Variants in CORIN observed in about 807,000 individuals in gnomAD.
CORIN encodes corin, serine peptidase.
Under a neutral mutation model 125.3 loss-of-function variants are expected in CORIN, and 117 were observed. The observed-to-expected ratio is 0.93, with a 90% CI of 0.80 to 1.09. CORIN has a LOEUF of 1.09. CORIN is among the 50% of genes least tolerant of loss of function. The pLI, the probability that CORIN is intolerant of heterozygous loss-of-function variation, is 0.00. For synonymous variants in CORIN, 450 were observed against 466.4 expected (o/e 0.96, Z 0.45); for missense variants, 1,253 against 1,306.7 (o/e 0.96, Z 0.63).
chr4:47,806,993 T>C lies in CORIN; in HGVS notation c.118A>G (p.Thr40Ala), dbSNP rs1731823619. The stretch of plus-strand genomic sequence containing the variant: ...AATAGGAACCGGAGGAGGTTAGCAG[T>C]CGCCAGCTTCTGAGAGCAGCCATTG... ...MGNGCSQKLA[T>A]ANLLRFLLLV... The change falls in exon 2 of 22, where the codon ACT becomes GCT. Residue 40 changes from threonine (T) to alanine (A), a missense_variant. Thr to Ala is a moderately conservative substitution (Grantham distance 58). Coordinates refer to ENST00000273857, the MANE Select transcript of CORIN (RefSeq NM_006587.4). The C allele has an allele frequency of 1.2e-6, 2 of 1,613,910 alleles. No homozygotes were observed. Among genetic ancestry groups the C allele is most frequent in the Non-Finnish European group, 8.5e-7 (1 of 1,179,926 alleles).
chr4:47,789,412 A>C (rs1730966018), intron 2 of CORIN, among the ~76,000 whole-genome samples: 1 of 152,260 alleles, frequency 6.6e-6, no homozygotes, highest in Non-Finnish European at 1.5e-5. Context: ...CTTGGATAAC[A>C]ACTTTCTTTT....
chr4:47,616,062 G>A (rs1307879740), intron 19 of CORIN, among the ~76,000 whole-genome samples: 4 of 152,100 alleles, frequency 2.6e-5, no homozygotes, highest in Admixed American at 6.5e-5. Context: ...GGAGAAGTGA[G>A]AAATCAATAG....
chr4:47,819,709 G>C (rs938910903), intron 1 of CORIN, among the ~76,000 whole-genome samples: 4 of 152,108 alleles, frequency 2.6e-5, no homozygotes, highest in African/African-American at 2.4e-5. Context: ...GAGATCAGAG[G>C]CATCCTGCAT....
intron 19 of CORIN, among the ~76,000 whole-genome samples, chr4:47,608,576 C>T (rs968543401): frequency 1.3e-5 from 2 of 152,202 alleles, no homozygotes; most frequent in African/African-American, 4.8e-5. Context: ...CCTTATTCTT[C>T]TTTGTCCTCA....
At chr4:47,623,852 A>C (rs761565961) in intron 18 of CORIN, 47 bp downstream of exon 18, 1 of 1,602,864 alleles carries the variant, frequency 6.2e-7, no homozygotes, top group Non-Finnish European at 8.5e-7. Context: ...GAGCCAATCC[A>C]GTTCAATTAA....
chr4:47,692,460 G>T (rs974832119), intron 6 of CORIN, among the ~76,000 whole-genome samples: 18 of 152,040 alleles, frequency 1.2e-4, no homozygotes, highest in Admixed American at 3.3e-4. Context: ...ATCAATCAAT[G>T]GGGAATAAAT....
intron 4 of CORIN, among the ~76,000 whole-genome samples, 196 bp from the exon 5 acceptor site, chr4:47,744,779 T>G (rs887746595): frequency 2.6e-5 from 4 of 152,202 alleles, no homozygotes. Context: ...CTAGAAGAAA[T>G]AGCTAGTTCC....
chr4:47,706,756 A>T lies in CORIN; in HGVS notation c.800-13673T>A. On this transcript the variant is annotated intron_variant, in intron 5 of 21. Transcript: ENST00000273857. ...GGGTTGGTGAAGATTCCACATACAA[A>T]TTTTTTGAGGTTATCCTCATTGATC... is the stretch of plus-strand genomic sequence containing the variant. The T allele has an allele frequency of 2.5e-6, 4 of 1,600,390 alleles. No individual in the cohort carries two copies. The South Asian group carries it at 3.3e-5, about 13-fold the overall frequency.
Position 47,763,368 on chromosome 4 carries a change from T to C in CORIN, c.617+11A>G. 6.2e-7 allele frequency: 1 copy of C among 1,606,924 alleles called. No homozygotes were observed. On this transcript the variant is annotated intron_variant, in intron 4 of 21. Transcript: ENST00000273857. ...AACTCTTATCACTGAATAATCTGGGTTCCGAAATACCTGTCATCGCCATCA... is the reference window on the plus strand; with the variant it reads ...AACTCTTATCACTGAATAATCTGGGCTCCGAAATACCTGTCATCGCCATCA...
At chr4:47,782,997 T>C (rs1730624150) in intron 3 of CORIN, among the ~76,000 whole-genome samples, 1 of 151,914 alleles carries the variant, frequency 6.6e-6, no homozygotes, top group South Asian at 2.1e-4. Flanking sequence ...AGATTCAGGA[T>C]CCGGTTATCA....
intron 10 of CORIN, among the ~76,000 whole-genome samples, chr4:47,673,005 AG>A (rs1724833829): frequency 6.6e-6 from 1 of 152,044 alleles, no homozygotes; most frequent in Non-Finnish European, 1.5e-5. Context: ...AGCAAATGCA[AG>A]GCCGAAGACT....
chr4:47,785,419 G>C (rs1730745762), intron 3 of CORIN, among the ~76,000 whole-genome samples: 1 of 152,044 alleles, frequency 6.6e-6, no homozygotes, highest in South Asian at 2.1e-4. Context: ...CACACTTTCT[G>C]TCTTTTCTCT....
At chr4:47,766,668 G>T (rs1034583510) in intron 3 of CORIN, among the ~76,000 whole-genome samples, 3 of 152,020 alleles carry the variant, frequency 2.0e-5, no homozygotes. Context: ...AACAAAGGCC[G>T]GGCGCAGTGG....
chr4:47,626,610 AAAG>A (rs1318872381), intron 16 of CORIN, 89 bp from the exon 17 acceptor site: 18 of 838,498 alleles, frequency 2.1e-5, no homozygotes, highest in Non-Finnish European at 3.7e-5. Context: ...TCCCTTTCAA[AAAG>A]AAGCACTAAA....
intron 3 of CORIN, among the ~76,000 whole-genome samples, chr4:47,776,761 T>A (rs1485999938): frequency 1.3e-5 from 2 of 152,250 alleles, no homozygotes; most frequent in East Asian, 3.8e-4. Context: ...AATGTTGGCC[T>A]TCCCATACTC....
At chr4:47,736,034 C>T (rs747912683) in intron 5 of CORIN, among the ~76,000 whole-genome samples, 7 of 150,658 alleles carry the variant, frequency 4.6e-5, no homozygotes, top group Non-Finnish European at 8.9e-5. Context: ...TTACATAACA[C>T]TGATGATTTT....
chr4:47,658,426 TG>T (rs2109656950), intron 12 of CORIN, among the ~76,000 whole-genome samples: 1 of 152,344 alleles, frequency 6.6e-6, no homozygotes, highest in South Asian at 2.1e-4. Context: ...AAGCTGCCAG[TG>T]GATCTACCAT....
At chr4:47,674,001 A>T (rs60900433) in intron 10 of CORIN, among the ~76,000 whole-genome samples, 25 of 152,324 alleles carry the variant, frequency 1.6e-4, no homozygotes, top group African/African-American at 5.8e-4. Context: ...CCAAAGTTGT[A>T]TGTGGCTATT....
At chr4:47,783,680 C>G (rs1416838736) in intron 3 of CORIN, among the ~76,000 whole-genome samples, 1 of 151,974 alleles carries the variant, frequency 6.6e-6, no homozygotes, top group Non-Finnish European at 1.5e-5. Flanking sequence ...ACTCTCTGCT[C>G]AGTGTTAATA....
Sources: allele counts gnomAD v4.1 joint callset (sites outside exome capture counted in the v4.1 genomes callset), GRCh38; gene constraint gnomAD v4.1.1; transcripts MANE v1.5; gene names NCBI Gene and HGNC (gene_info 2026-07-23, HGNC 2026-07-21).